MCC: variants seen among roughly 807,000 people sequenced by gnomAD.
MCC encodes MCC regulator of Wnt signaling pathway.
In MCC, 90 loss-of-function variants were observed where a neutral mutation model predicts 116.2. The observed-to-expected ratio is 0.77, with a 90% CI of 0.65 to 0.92. MCC has a LOEUF of 0.92. Ranked by LOEUF, MCC falls within the 40% of genes least tolerant of loss-of-function variation. MCC has a pLI of 0.00. For synonymous variants in MCC, 578 were observed against 510.5 expected (o/e 1.13, Z -1.78); for missense variants, 1,516 against 1,312.2 (o/e 1.16, Z -2.40).
At chr5:113,339,443 G>C (rs1257567366) in intron 3 of MCC, among the ~76,000 whole-genome samples, 1 of 151,452 alleles carries the variant, frequency 6.6e-6, no homozygotes, top group African/African-American at 2.4e-5. Context: ...GTGTGTGCGT[G>C]CATGTGTGTT....
In MCC at chr5:113,122,832, A is replaced by G. The variant is rs914528362; in HGVS notation, c.885-6T>C. 6.2e-7 allele frequency: 1 copy of G among 1,614,018 alleles called. No homozygotes were observed. Among genetic ancestry groups the G allele is most frequent in the African/African-American group, 1.3e-5 (1 of 75,058 alleles). The stretch of plus-strand genomic sequence containing the variant: ...CTGAGTACTCATCTTCCTCCCTGAG[A>G]AAAAAGGAGAATTGGCAACCACTAA... On this transcript the variant is annotated splice_polypyrimidine_tract_variant and splice_region_variant and intron_variant, in intron 5 of 18. Transcript: ENST00000408903.
chr5:113,065,098 G>C (rs147099870), intron 13 of MCC, among the ~76,000 whole-genome samples: 56 of 152,184 alleles, frequency 3.7e-4, no homozygotes, highest in Non-Finnish European at 4.6e-4. Context: ...AAGCTACTCT[G>C]TATGATACTG....
chr5:113,067,567 T>C (rs1310151178), intron 13 of MCC, among the ~76,000 whole-genome samples: 1 of 151,996 alleles, frequency 6.6e-6, no homozygotes, highest in African/African-American at 2.4e-5. Context: ...ACCTAGGAGG[T>C]GGAGGTTGCA....
At position 113,434,166 on chromosome 5, in the gene MCC, A is replaced by G. The variant is rs755977554; in HGVS notation, c.171-48954T>C. 2 of 1,614,158 alleles carry G rather than the reference A, an allele frequency of 1.2e-6. No individual in the cohort carries two copies. Among genetic ancestry groups the G allele is most frequent in the Non-Finnish European group, 1.7e-6 (2 of 1,180,020 alleles). On this transcript the variant is annotated intron_variant, in intron 1 of 18. Transcript: ENST00000408903. The surrounding 1 kb of genome is among the most constrained non-coding windows in gnomAD (Gnocchi z 4.2). ...GACGCGGTGCTCCTTCTGGATACGC[A>G]GCATCTTCTTGATGTTGGAGTCGTC...
intron 4 of MCC, among the ~76,000 whole-genome samples, chr5:113,144,149 G>A (rs933077508): frequency 2.0e-5 from 3 of 152,146 alleles, no homozygotes; most frequent in Non-Finnish European, 4.4e-5. Flanking sequence ...AGTGATAAAA[G>A]AGGCAGAGGA....
chr5:113,162,827 C>G (rs1760564296), intron 3 of MCC, among the ~76,000 whole-genome samples: 1 of 152,126 alleles, frequency 6.6e-6, no homozygotes, highest in Non-Finnish European at 1.5e-5. Context: ...CCACAATTAT[C>G]ATATGCCACC....
chr5:113,126,705 A>C (rs1226135018), intron 5 of MCC, among the ~76,000 whole-genome samples: 1 of 152,242 alleles, frequency 6.6e-6, no homozygotes, highest in Admixed American at 6.5e-5. Flanking sequence ...GCTTTCACAC[A>C]ACCTAATAGA....
chr5:113,117,669 A>G (rs1282848152), intron 6 of MCC, among the ~76,000 whole-genome samples: 4 of 152,208 alleles, frequency 2.6e-5, no homozygotes, highest in African/African-American at 9.7e-5. Context: ...TGCTCCAGAA[A>G]AGCACTGCTG....
rs1442455161 is a variant in MCC, at chr5:113,027,035, C to T, written c.*267G>A. On this transcript the variant is annotated 3_prime_UTR_variant, in exon 19 of 19. Coordinates refer to ENST00000408903, the MANE Select transcript of MCC (RefSeq NM_001085377.2). ...GGAGAGTGAGTGCTGAAAGCAGAAA[C>T]GAGGCTCTGCTGAGCAGGCACAGAA... 3 of 402,438 alleles carry T rather than the reference C, an allele frequency of 7.5e-6. No homozygotes were observed. Among genetic ancestry groups the T allele is most frequent in the South Asian group, 6.6e-5 (1 of 15,052 alleles). The allele number at this position is 402,438 out of a possible 1,614,324, so 24.9% of individuals were successfully genotyped here. A position where few individuals can be genotyped will look rare whatever the true frequency, so the allele number is the denominator to read the frequency against.
chr5:113,092,907 G>A (rs1039557434), intron 8 of MCC, among the ~76,000 whole-genome samples: 5 of 152,166 alleles, frequency 3.3e-5, no homozygotes, highest in African/African-American at 7.2e-5. Flanking sequence ...AAGGGACTAT[G>A]CCCCGGAGCA....
intron 3 of MCC, among the ~76,000 whole-genome samples, chr5:113,256,086 G>A (rs567026948): frequency 2.0e-5 from 3 of 152,226 alleles, no homozygotes; most frequent in South Asian, 4.2e-4. Context: ...CCCTTGTTCC[G>A]AGAATTCACC....
At chr5:113,192,626 G>A (rs911585036) in intron 3 of MCC, among the ~76,000 whole-genome samples, 1 of 152,194 alleles carries the variant, frequency 6.6e-6, no homozygotes, top group Admixed American at 6.5e-5. Flanking sequence ...TTCACAGTTC[G>A]CTTATTATTA....
intron 1 of MCC, among the ~76,000 whole-genome samples, chr5:113,410,096 G>A (rs997254831): frequency 1.8e-4 from 27 of 152,096 alleles, no homozygotes; most frequent in African/African-American, 6.0e-4. Flanking sequence ...CTCTGTCTCC[G>A]TATAACTTCC....
At chr5:113,063,306 A>G (rs922218805) in intron 14 of MCC, among the ~76,000 whole-genome samples, 3 of 152,214 alleles carry the variant, frequency 2.0e-5, no homozygotes, top group African/African-American at 7.2e-5. Flanking sequence ...ACTCCCATCC[A>G]AAGAATGAAA....
chr5:113,310,567 A>G (rs1767113486), intron 3 of MCC, among the ~76,000 whole-genome samples: 1 of 152,238 alleles, frequency 6.6e-6, no homozygotes, highest in Admixed American at 6.5e-5. Context: ...TATTTTTTTC[A>G]TATCTAAATT....
At chr5:113,226,802 T>C (rs529337704) in intron 3 of MCC, among the ~76,000 whole-genome samples, 2 of 152,352 alleles carry the variant, frequency 1.3e-5, no homozygotes, top group South Asian at 4.1e-4. Context: ...TCTGTGGTAT[T>C]ATTTATCACT....
intron 1 of MCC, among the ~76,000 whole-genome samples, chr5:113,417,934 A>G (rs1770202955): frequency 7.0e-6 from 1 of 143,242 alleles, no homozygotes; most frequent in Non-Finnish European, 1.5e-5. Context: ...CACTATTTCC[A>G]AAAAAAAAAA....
chr5:113,134,944 C>CCTT (rs1554056938), intron 5 of MCC, among the ~76,000 whole-genome samples: 1 of 128,250 alleles, frequency 7.8e-6, no homozygotes, highest in African/African-American at 3.2e-5. Context: ...ACTTTTACTT[C>CCTT]TTTTTTTTTT....
At chr5:113,299,754 G>A (rs957697890) in intron 3 of MCC, among the ~76,000 whole-genome samples, 7 of 152,214 alleles carry the variant, frequency 4.6e-5, no homozygotes, top group Admixed American at 3.9e-4. Context: ...GCTTCAGCAG[G>A]GATTAAGCTC....
Sources: allele counts gnomAD v4.1 joint callset (sites outside exome capture counted in the v4.1 genomes callset), GRCh38; gene constraint gnomAD v4.1.1; non-coding constraint Gnocchi (gnomAD v3.1); transcripts MANE v1.5; gene names NCBI Gene and HGNC (gene_info 2026-07-23, HGNC 2026-07-21).